The following CYSLTR1 variants were observed in gnomAD, a reference collection of about 807,000 sequenced individuals.
CYSLTR1 encodes the protein G-protein coupled receptor HG55.
CYSLTR1 carries 1 observed loss-of-function variant against 2.1 expected under a neutral mutation model. The observed-to-expected ratio is 0.48, with a 90% CI of 0.17 to 2.28. The LOEUF (loss-of-function observed/expected upper bound fraction) is 2.28, where lower values mean the gene tolerates loss of function less well. CYSLTR1 is among the 30% of genes most tolerant of loss of function. The probability of loss-of-function intolerance (pLI) is 0.26; values close to 1 mark genes in which losing one functional copy is unlikely to be tolerated. For missense variants in CYSLTR1, 299 were observed against 250.1 expected, an observed-to-expected ratio of 1.20 and a Z score of -1.32; for synonymous variants, 110 against 89.6, an observed-to-expected ratio of 1.23 and a Z score of -1.28.
At chrX:78,307,208 C>A (rs1923060743) in intron 1 of CYSLTR1, among the ~76,000 whole-genome samples, 1 of 111,901 alleles carries the variant, frequency 8.9e-6, no homozygotes, top group East Asian at 2.8e-4. Flanking sequence ...TCTCACAACA[C>A]TGCAATCAAA....
chrX:78,285,876 G>C (rs1922048014), intron 1 of CYSLTR1, among the ~76,000 whole-genome samples: 1 of 111,509 alleles, frequency 9.0e-6, no homozygotes, highest in African/African-American at 3.3e-5. Flanking sequence ...TGCCAATACT[G>C]GGCTCTACCA....
intron 1 of CYSLTR1, among the ~76,000 whole-genome samples, chrX:78,315,532 T>C (rs762661629): frequency 6.6e-4 from 74 of 111,363 alleles, no homozygotes; most frequent in African/African-American, 9.5e-4. Context: ...CCTACTGTTC[T>C]GTAGGGTGAG....
At chrX:78,305,164 A>T (rs1197625587) in intron 1 of CYSLTR1, among the ~76,000 whole-genome samples, 1 of 112,066 alleles carries the variant, frequency 8.9e-6, no homozygotes, top group African/African-American at 3.2e-5. Context: ...CTTAATGTGG[A>T]CCATTTTGGT....
intron 1 of CYSLTR1, among the ~76,000 whole-genome samples, chrX:78,299,856 T>C (rs1384206450): frequency 8.9e-6 from 1 of 111,822 alleles, no homozygotes; most frequent in Non-Finnish European, 1.9e-5. Context: ...AGTTCTCTGA[T>C]ACTATCCCTT....
intron 2 of CYSLTR1, among the ~76,000 whole-genome samples, chrX:78,279,788 C>T (rs747846626): frequency 3.0e-4 from 34 of 111,964 alleles, no homozygotes; most frequent in Non-Finnish European, 5.6e-4. Context: ...AAATAACGTC[C>T]TTGGCTGCAA....
chrX:78,285,421 CAA>C (rs397897021), intron 1 of CYSLTR1, among the ~76,000 whole-genome samples: 5 of 65,599 alleles, frequency 7.6e-5, no homozygotes, highest in Non-Finnish European at 2.7e-5. Context: ...GACTCCGTCT[CAA>C]AAAAAAAAAA....
At chrX:78,311,412 G>C (rs755825352) in intron 1 of CYSLTR1, among the ~76,000 whole-genome samples, 1 of 111,470 alleles carries the variant, frequency 9.0e-6, no homozygotes, top group Non-Finnish European at 1.9e-5. Flanking sequence ...ATCTAAAACC[G>C]GGGGCCACAG....
chrX:78,280,762 T>A (rs994447881), intron 2 of CYSLTR1, among the ~76,000 whole-genome samples: 5 of 111,392 alleles, frequency 4.5e-5, no homozygotes, highest in African/African-American at 1.6e-4. Context: ...TAGGTCCCAG[T>A]GTCTGTTGTT....
chrX:78,281,426 A>G (rs1235209020), intron 2 of CYSLTR1, among the ~76,000 whole-genome samples: 1 of 109,714 alleles, frequency 9.1e-6, no homozygotes, highest in East Asian at 2.9e-4. Flanking sequence ...GTGTGCCATC[A>G]CGCCCAGCTA....
intron 1 of CYSLTR1, among the ~76,000 whole-genome samples, chrX:78,298,113 CTTAA>C (rs1467170472): frequency 9.0e-6 from 1 of 111,058 alleles, no homozygotes; most frequent in Non-Finnish European, 1.9e-5. Flanking sequence ...CAATTTCCTT[CTTAA>C]TTGTTTCCTT....
rs974133328 is a variant in CYSLTR1, at chrX:78,272,524, C to T, written c.*209G>A. ...TGAGTGGTCAAAATTATTTATAATT[C>T]AGTTCATAGTTGTGGACCGAATTTT... On this transcript the variant is annotated 3_prime_UTR_variant, in exon 3 of 3. Transcript: ENST00000373304. The T allele has an allele frequency of 2.1e-5, 6 of 283,462 alleles. No homozygotes were observed. The East Asian group carries it at 2.2e-4, about 10-fold the overall frequency. 23.4% of individuals were successfully genotyped at this position (283,462 alleles called of 1,213,427 possible).
At chrX:78,303,111 G>A (rs760918505) in intron 1 of CYSLTR1, among the ~76,000 whole-genome samples, 26 of 111,922 alleles carry the variant, frequency 2.3e-4, no homozygotes, top group Admixed American at 2.3e-3. Context: ...GCTGCAGTCT[G>A]TAATTCCCCT....
At chrX:78,313,377 G>A (rs1275560475) in intron 1 of CYSLTR1, among the ~76,000 whole-genome samples, 1 of 111,102 alleles carries the variant, frequency 9.0e-6, no homozygotes, top group Non-Finnish European at 1.9e-5. Flanking sequence ...TTCCCTACCT[G>A]GGTGTTGAGA....
In CYSLTR1 at chrX:78,273,131, T is replaced by C; in HGVS notation, c.616A>G (p.Ile206Val). 1 of 1,208,830 alleles carries C rather than the reference T, an allele frequency of 8.3e-7. No individual in the cohort carries two copies. Among genetic ancestry groups the C allele is most frequent in the South Asian group, 1.8e-5 (1 of 56,564 alleles). ...AAAATGATCATTGTGTAACAGACAA[T>C]TATAATAACAAAAGGGATGATAAAG... ...VGFIIPFVII[I>V]VCYTMIILTL... The change falls in exon 3 of 3, where the codon ATT becomes GTT. Residue 206 changes from isoleucine to valine, a missense_variant. Coordinates refer to ENST00000373304, the MANE Select transcript of CYSLTR1 (RefSeq NM_006639.4).
intron 1 of CYSLTR1, among the ~76,000 whole-genome samples, chrX:78,303,421 T>C (rs2147266881): frequency 9.1e-6 from 1 of 109,591 alleles, no homozygotes; most frequent in Non-Finnish European, 1.9e-5. Context: ...ACAAAGGTTT[T>C]TTTTTAATGT....
chrX:78,274,777 C>T (rs1317802169), intron 2 of CYSLTR1, among the ~76,000 whole-genome samples: 4 of 110,866 alleles, frequency 3.6e-5, no homozygotes, highest in African/African-American at 6.6e-5. Flanking sequence ...AAACTACCAT[C>T]AGAGTGAACA....
chrX:78,322,631 C>A (rs755049716), intron 1 of CYSLTR1, among the ~76,000 whole-genome samples: 35 of 112,083 alleles, frequency 3.1e-4, no homozygotes, highest in Non-Finnish European at 5.3e-4. Flanking sequence ...CAGAATGATC[C>A]TTCCGTCTGT....
Position 78,273,167 on chromosome X carries a change from A to G in CYSLTR1, c.580T>C (p.Leu194=), listed in dbSNP as rs201954015. Residue 194 remains leucine (L), a synonymous_variant, in exon 3 of 3, where the codon TTG becomes CTG. Coordinates refer to ENST00000373304, the MANE Select transcript of CYSLTR1 (RefSeq NM_006639.4). ...NHVLVLHYVS[L]FVGFIIPFVI... ...AAAGGGATGATAAAGCCAACAAACAATGACACATAATGCAAGACCAAAACA... is the reference window on the plus strand; with the variant it reads ...AAAGGGATGATAAAGCCAACAAACAGTGACACATAATGCAAGACCAAAACA... 2.6e-5 allele frequency: 31 copies of G among 1,207,891 alleles called. No individual in the cohort carries two copies. Among genetic ancestry groups the G allele is most frequent in the Non-Finnish European group, 3.1e-5 (28 of 893,990 alleles).
intron 1 of CYSLTR1, among the ~76,000 whole-genome samples, chrX:78,314,985 G>C (rs1923358795): frequency 9.5e-6 from 1 of 105,809 alleles, no homozygotes; most frequent in African/African-American, 3.4e-5. Flanking sequence ...AGGCTGCACA[G>C]CTTGCAAGTC....
Sources: gnomAD v4.1 joint callset for allele counts (sites outside exome capture counted in the v4.1 genomes callset) on GRCh38, gnomAD v4.1.1 for gene constraint, MANE v1.5 for transcripts, NCBI Gene and HGNC (gene_info 2026-07-23, HGNC 2026-07-21) for gene names.